The following MYL1 variants were observed in gnomAD, a reference collection of about 807,000 sequenced individuals.
The protein encoded by MYL1 is myosin light chain 1.
A neutral mutation model predicts 21.8 loss-of-function variants in MYL1; 16 were observed. The observed-to-expected ratio is 0.74, with a 90% CI of 0.50 to 1.12. The LOEUF is 1.12. Ranked by LOEUF, MYL1 falls within the 50% of genes most tolerant of loss-of-function variation. MYL1 has a pLI of 0.00. For missense variants in MYL1, 246 were observed against 241.0 expected (o/e 1.02, Z -0.14); for synonymous variants, 99 against 85.2 (o/e 1.16, Z -0.89).
intron 1 of MYL1, 165 bp from the exon 2 acceptor site, chr2:210,302,680 A>G (rs1690282050): frequency 6.6e-7 from 1 of 1,514,708 alleles, no homozygotes. Context: ...GTTAAGCCAT[A>G]GTGTAACATG....
At chr2:210,301,578 A>C (rs1313908450) in intron 2 of MYL1, among the ~76,000 whole-genome samples, 1 of 151,996 alleles carries the variant, frequency 6.6e-6, no homozygotes, top group African/African-American at 2.4e-5. Flanking sequence ...CAATATTTTG[A>C]AGCTAATTTT....
rs116504535 is a variant in MYL1 at position 210,313,166 on chromosome 2, G to A, written c.132+1745C>T. ...TACTCATTCTTACACAGTTCCTCAGGGAAGAAAATTAATGCCTGTTTTCAT... is the reference window on the plus strand; with the variant it reads ...TACTCATTCTTACACAGTTCCTCAGAGAAGAAAATTAATGCCTGTTTTCAT... On this transcript the variant is annotated intron_variant, in intron 1 of 6. Transcript: ENST00000352451. 4.3e-3 allele frequency among the ~76,000 whole-genome samples: 660 copies of A among 151,834 alleles called. 8 individuals carry two copies. The highest frequency in any genetic ancestry group is 0.015 in the African/African-American group (625 of 41,476).
At chr2:210,305,719 G>A (rs1690332823) in intron 1 of MYL1, among the ~76,000 whole-genome samples, 1 of 151,992 alleles carries the variant, frequency 6.6e-6, no homozygotes, top group Non-Finnish European at 1.5e-5. Flanking sequence ...TATAAAATAT[G>A]GTTAATTTAT....
chr2:210,306,367 C>A (rs1198628905), intron 1 of MYL1, among the ~76,000 whole-genome samples: 18 of 132,012 alleles, frequency 1.4e-4, no homozygotes, highest in African/African-American at 4.3e-4. Context: ...GGCTACAGAG[C>A]AAGACTCCAT....
intron 2 of MYL1, among the ~76,000 whole-genome samples, chr2:210,298,913 T>A (rs1347415837): frequency 1.3e-5 from 2 of 152,180 alleles, no homozygotes; most frequent in East Asian, 3.9e-4. Flanking sequence ...ATCTCTCATA[T>A]AATTAACAAG....
intron 5 of MYL1, 60 bp downstream of exon 5, chr2:210,293,663 G>A (rs963370823): frequency 2.2e-6 from 3 of 1,385,374 alleles, no homozygotes; most frequent in African/African-American, 1.4e-5. Context: ...CTCAAAAGGA[G>A]CCCATCATCA....
Position 210,298,526 on chromosome 2 carries a change from A to G in MYL1, c.198T>C (p.Gly66=), listed in dbSNP as rs1252605552. The change falls in exon 3 of 7, where the codon GGT becomes GGC. Residue 66 remains glycine, a synonymous_variant. Transcript: ENST00000352451. ...CCTGGCTTAAGGTGATCTTGGAATC[A>G]CCTGTTCTGTCAAACAGGAGAAATG... is the stretch of plus-strand genomic sequence containing the variant. ...KEAFLLFDRT[G]DSKITLSQVG... is the part of the protein sequence containing the mutation. The G allele has an allele frequency of 1.2e-6, 2 of 1,614,068 alleles. No individual in the cohort carries two copies. Among genetic ancestry groups the G allele is most frequent in the African/African-American group, 2.7e-5 (2 of 75,020 alleles).
rs373883357 is a variant in MYL1 at position 210,302,491 on chromosome 2, C to T, written c.157G>A (p.Asp53Asn). ...GAACCATAGCTTTTAAACTTACCAT[C>T]CTGCTGTTCCTTAGAGAACTCGATC... ...IKIEFSKEQQ[D>N]EFKEAFLLFD... The change falls in exon 2 of 7, where the codon GAT (aspartate) becomes AAT (asparagine). Residue 53 changes from aspartate to asparagine, a missense_variant. By Grantham distance (23) the Asp-to-Asn change is conservative. Transcript: ENST00000352451. 8.7e-6 allele frequency: 14 copies of T among 1,608,704 alleles called. No homozygotes were observed. Among genetic ancestry groups the T allele is most frequent in the South Asian group, 1.1e-5 (1 of 89,926 alleles).
chr2:210,306,561 A>G (rs1690344368), intron 1 of MYL1, among the ~76,000 whole-genome samples: 1 of 152,098 alleles, frequency 6.6e-6, no homozygotes, highest in African/African-American at 2.4e-5. Flanking sequence ...TTTTTTTGGT[A>G]CTTACTGAGA....
rs1690218649 is a variant in MYL1 at position 210,298,691 on chromosome 2, C to T, written c.161-128G>A. 4.0e-6 allele frequency: 4 copies of T among 1,009,936 alleles called. No individual in the cohort carries two copies. The East Asian group carries it at 1.1e-4, about 27-fold the overall frequency. 62.6% of individuals were successfully genotyped at this position (1,009,936 alleles called of 1,614,324 possible). ...TTCTGCCAACTATGCAAGTTGTTATCCTGGATTCTCTTTTTGTATCTCCAA... is the reference window on the plus strand; with the variant it reads ...TTCTGCCAACTATGCAAGTTGTTATTCTGGATTCTCTTTTTGTATCTCCAA... On this transcript the variant is annotated intron_variant, in intron 2 of 6. Coordinates refer to ENST00000352451, the MANE Select transcript of MYL1 (RefSeq NM_079420.3).
At chr2:210,308,331 G>C (rs1287014991) in intron 1 of MYL1, among the ~76,000 whole-genome samples, 1 of 145,480 alleles carries the variant, frequency 6.9e-6, no homozygotes, top group Admixed American at 7.0e-5. Flanking sequence ...CTGTGCTTCA[G>C]AATAACTCAA....
chr2:210,298,458 G>T lies in MYL1; in HGVS notation c.266C>A (p.Ala89Glu). ...LRALGTNPTN[A>E]EVRKVLGNPS... is the part of the protein sequence containing the mutation. ...GTTTCCCAGAACTTTCCTGACCTCT[G>T]CATTGGTGGGATTTGTGCCCAGAGC... Residue 89 changes from alanine (A) to glutamate (E), a missense_variant, in exon 3 of 7, where the codon GCA (alanine) becomes GAA (glutamate). Physicochemically the swap from Ala to Glu is moderately radical, Grantham distance 107. Coordinates refer to ENST00000352451, the MANE Select transcript of MYL1 (RefSeq NM_079420.3). 6.2e-7 allele frequency: 1 copy of T among 1,613,922 alleles called. No individual in the cohort carries two copies. The highest frequency in any genetic ancestry group is 1.7e-4 in the Middle Eastern group (1 of 6,058).
chr2:210,313,353 G>A (rs1690445158), intron 1 of MYL1, among the ~76,000 whole-genome samples: 1 of 151,942 alleles, frequency 6.6e-6, no homozygotes, highest in Non-Finnish European at 1.5e-5. Flanking sequence ...ACTACAGAGT[G>A]CAGAGTTAAA....
At chr2:210,308,525 A>G (rs1345278455) in intron 1 of MYL1, among the ~76,000 whole-genome samples, 1 of 149,164 alleles carries the variant, frequency 6.7e-6, no homozygotes, top group African/African-American at 2.5e-5. Flanking sequence ...AATATAAGAG[A>G]GATTAGGTGG....
intron 1 of MYL1, chr2:210,303,690 G>A (rs1690298374): frequency 8.3e-7 from 1 of 1,208,014 alleles, no homozygotes; most frequent in Non-Finnish European, 1.1e-6. Context: ...AGGTTTCAGA[G>A]ATAAGTTGCC....
At chr2:210,304,641 C>T (rs915578452) in intron 1 of MYL1, among the ~76,000 whole-genome samples, 5 of 152,188 alleles carry the variant, frequency 3.3e-5, no homozygotes, top group African/African-American at 1.2e-4. Context: ...CTCCTGGGCT[C>T]AAGTGATCTT....
intron 1 of MYL1, among the ~76,000 whole-genome samples, chr2:210,308,269 G>T (rs1690367497): frequency 6.6e-6 from 1 of 151,244 alleles, no homozygotes; most frequent in Admixed American, 6.6e-5. Flanking sequence ...AGAGTTTCTA[G>T]GAACCACCAT....
Position 210,298,325 on chromosome 2 carries a change from A to G in MYL1, c.304+95T>C, listed in dbSNP as rs1690208535. Reference sequence around the variant, plus strand: ...TCTCTCTCACACACACACATACTACACACACACACATACTACACACACACA... The same window carrying G: ...TCTCTCTCACACACACACATACTACGCACACACACATACTACACACACACA... On this transcript the variant is annotated intron_variant, in intron 3 of 6. Transcript: ENST00000352451. The G allele has an allele frequency of 2.2e-6, 3 of 1,355,924 alleles. No homozygotes were observed. In the East Asian group the frequency reaches 7.4e-5, roughly 34 times the overall value. The allele number at this position is 1,355,924 out of a possible 1,614,324, so 84.0% of individuals were successfully genotyped here.
At chr2:210,303,383 T>A (rs975739775) in intron 1 of MYL1, among the ~76,000 whole-genome samples, 5 of 152,226 alleles carry the variant, frequency 3.3e-5, no homozygotes, top group African/African-American at 9.6e-5. Context: ...TTCTCCTATC[T>A]TTAATGGATC....
Sources: gnomAD v4.1 joint callset for allele counts (sites outside exome capture counted in the v4.1 genomes callset) on GRCh38, gnomAD v4.1.1 for gene constraint, MANE v1.5 for transcripts, NCBI Gene and HGNC (gene_info 2026-07-23, HGNC 2026-07-21) for gene names.